Variants in PHEX observed in about 807,000 individuals in gnomAD.
PHEX encodes the protein phosphate regulating endopeptidase X-linked, also known as phosphate-regulating neutral endopeptidase PHEX.
In PHEX, 16 loss-of-function variants were observed where a neutral mutation model predicts 68.0. The observed-to-expected ratio is 0.24, with a 90% CI of 0.16 to 0.36. The LOEUF (loss-of-function observed/expected upper bound fraction) is 0.36, where lower values mean the gene tolerates loss of function less well. Ranked by LOEUF, PHEX falls within the 10% of genes least tolerant of loss-of-function variation. The probability of loss-of-function intolerance (pLI) is 1.00; values close to 1 mark genes in which losing one functional copy is unlikely to be tolerated. For missense variants in PHEX, 480 were observed against 575.5 expected, an observed-to-expected ratio of 0.83 and a Z score of 1.70; for synonymous variants, 208 against 205.1, an observed-to-expected ratio of 1.01 and a Z score of -0.12.
At chrX:22,148,079 T>C (rs757015459) in intron 12 of PHEX, among the ~76,000 whole-genome samples, 11 of 111,575 alleles carry the variant, frequency 9.9e-5, no homozygotes, top group Non-Finnish European at 1.9e-4. Context: ...ACAAGTATTT[T>C]ATTATTTCCT....
chrX:22,190,557 T>C, intron 15 of PHEX, 55 bp downstream of exon 15: 1 of 775,055 alleles, frequency 1.3e-6, no homozygotes. Context: ...CAAAGAACTT[T>C]TCCATGACTA....
At chrX:22,147,487 G>A (rs892461944) in intron 12 of PHEX, among the ~76,000 whole-genome samples, 2 of 110,416 alleles carry the variant, frequency 1.8e-5, no homozygotes, top group Non-Finnish European at 3.8e-5. Flanking sequence ...CCCCAGGGCC[G>A]GACAGGCAGA....
chrX:22,230,701 T>G (rs1332004075), intron 20 of PHEX, among the ~76,000 whole-genome samples: 1 of 111,608 alleles, frequency 9.0e-6, no homozygotes, highest in Non-Finnish European at 1.9e-5. Context: ...GTTTTCTTAA[T>G]ATACAATCAT....
Position 22,249,458 on chromosome X carries a change from ATATATATATATAT to A in PHEX, c.*1506_*1518del, listed in dbSNP as rs1936506162. The A allele has an allele frequency of 5.1e-5, 2 of 39,061 alleles. No homozygotes were observed. The highest frequency in any genetic ancestry group is 9.2e-5 in the Non-Finnish European group (2 of 21,817). The allele number at this position is 39,061 out of a possible 1,213,427, so 3.2% of individuals were successfully genotyped here. On this transcript the variant is annotated 3_prime_UTR_variant, in exon 22 of 22. Transcript: ENST00000379374. ...TGATTCTTTTAAAAAAAAAAAAAAT[ATATATATATATAT>A]ATATATATATATATATGTATATCTA...
intron 9 of PHEX, among the ~76,000 whole-genome samples, chrX:22,100,775 T>C (rs1930379277): frequency 8.9e-6 from 1 of 111,923 alleles, no homozygotes; most frequent in Non-Finnish European, 1.9e-5. Flanking sequence ...CTTGTCAAAA[T>C]GATAACTTGG....
At chrX:22,091,292 AT>A (rs1929871934) in intron 6 of PHEX, among the ~76,000 whole-genome samples, 1 of 111,638 alleles carries the variant, frequency 9.0e-6, no homozygotes, top group Admixed American at 9.5e-5. Context: ...AGTGGACAGA[AT>A]GAACATTTGC....
chrX:22,216,747 C>T (rs969885316), intron 16 of PHEX, among the ~76,000 whole-genome samples: 2 of 109,833 alleles, frequency 1.8e-5, no homozygotes, highest in Non-Finnish European at 3.8e-5. Flanking sequence ...CTCGAACTCC[C>T]GACCCCAGGT....
chrX:22,239,732 G>A (rs569242101), intron 20 of PHEX, among the ~76,000 whole-genome samples: 1 of 111,349 alleles, frequency 9.0e-6, no homozygotes, highest in African/African-American at 3.3e-5. Flanking sequence ...CAAGAAATAT[G>A]GGACTCTGTG....
intron 7 of PHEX, 59 bp downstream of exon 7, chrX:22,094,158 T>C: frequency 1.5e-6 from 1 of 672,810 alleles, no homozygotes; most frequent in African/African-American, 2.1e-5. Context: ...TCCTTTACTT[T>C]CTTTTCCTTT....
chrX:22,061,673 A>T (rs1224401668), intron 3 of PHEX, among the ~76,000 whole-genome samples: 1 of 111,516 alleles, frequency 9.0e-6, no homozygotes, highest in Non-Finnish European at 1.9e-5. Flanking sequence ...AGACAGAGGC[A>T]CCAAGCAGTA....
intron 15 of PHEX, among the ~76,000 whole-genome samples, chrX:22,210,324 C>T (rs1362485144): frequency 3.6e-5 from 4 of 112,055 alleles, no homozygotes; most frequent in Admixed American, 9.5e-5. Context: ...GGGCTTCTAA[C>T]GGCAAAAGTG....
chrX:22,138,757 A>T (rs1932334570), intron 12 of PHEX, among the ~76,000 whole-genome samples: 1 of 112,225 alleles, frequency 8.9e-6, no homozygotes, highest in South Asian at 3.7e-4. Context: ...CCAGTTACAG[A>T]TTCTAGCACA....
chrX:22,176,679 T>C (rs1265404165), intron 13 of PHEX, among the ~76,000 whole-genome samples: 1 of 110,540 alleles, frequency 9.0e-6, no homozygotes, highest in Admixed American at 9.8e-5. Context: ...TTATTATTGT[T>C]ATTCCCATGC....
intron 19 of PHEX, 93 bp downstream of exon 19, chrX:22,226,601 GGAGT>G: frequency 1.5e-6 from 1 of 681,336 alleles, no homozygotes; most frequent in Non-Finnish European, 2.4e-6. Context: ...ATGTTCTTGA[GGAGT>G]TAGTTAGTTA....
intron 3 of PHEX, among the ~76,000 whole-genome samples, chrX:22,061,023 A>G (rs1259198735): frequency 1.9e-5 from 2 of 105,133 alleles, no homozygotes; most frequent in African/African-American, 8.2e-5. Context: ...CTTTGGTGGT[A>G]ACAATTCCTG....
chrX:22,189,722 A>T (rs1053173880), intron 14 of PHEX, among the ~76,000 whole-genome samples: 13 of 112,082 alleles, frequency 1.2e-4, no homozygotes, highest in African/African-American at 4.2e-4. Flanking sequence ...TTATGATCTC[A>T]CTCTTTACAG....
At chrX:22,243,500 A>G (rs1252750095) in intron 20 of PHEX, among the ~76,000 whole-genome samples, 1 of 112,155 alleles carries the variant, frequency 8.9e-6, no homozygotes, top group Non-Finnish European at 1.9e-5. Context: ...CAGGCAACCT[A>G]GAGGATGGGA....
chrX:22,071,909 C>A lies in PHEX; in HGVS notation c.350-4479C>A, dbSNP rs759507684. Reference sequence around the variant, plus strand: ...GGTCAGGAGTTCGAGATCAGCCTGACCAACATGGTGAAACCCCGTCTCTAC... The same window carrying A: ...GGTCAGGAGTTCGAGATCAGCCTGAACAACATGGTGAAACCCCGTCTCTAC... On this transcript the variant is annotated intron_variant, in intron 3 of 21. Coordinates refer to ENST00000379374, the MANE Select transcript of PHEX (RefSeq NM_000444.6). Among the ~76,000 whole-genome samples the A allele has an allele frequency of 2.6e-3, 286 of 110,058 alleles. 1 individual carries two copies. Among genetic ancestry groups the A allele is most frequent in the African/African-American group, 9.0e-3 (271 of 30,173 alleles).
chrX:22,117,160 G>T (rs377065182), intron 11 of PHEX, among the ~76,000 whole-genome samples: 20 of 112,245 alleles, frequency 1.8e-4, no homozygotes, highest in African/African-American at 6.5e-4. Context: ...TAGACATATA[G>T]CTTAGAAGGT....
Sources: gnomAD v4.1 joint callset for allele counts (sites outside exome capture counted in the v4.1 genomes callset) on GRCh38, gnomAD v4.1.1 for gene constraint, MANE v1.5 for transcripts, NCBI Gene and HGNC (gene_info 2026-07-23, HGNC 2026-07-21) for gene names.